MED13L: variants seen among roughly 807,000 people sequenced by gnomAD.
MED13L encodes the protein mediator of RNA polymerase II transcription subunit 13-like.
MED13L carries 7 observed loss-of-function variants against 220.9 expected under a neutral mutation model. The observed-to-expected ratio is 0.03, with a 90% confidence interval of 0.02 to 0.06. MED13L has a LOEUF of 0.06. Among genes scored for constraint, MED13L ranks in the 10% least tolerant of loss-of-function variants. The pLI, the probability that MED13L is intolerant of heterozygous loss-of-function variation, is 1.00. For synonymous variants in MED13L, 1,011 were observed against 1,015.2 expected (o/e 1.00, Z 0.08); for missense variants, 1,965 against 2,760.5 (o/e 0.71, Z 6.46).
intron 2 of MED13L, among the ~76,000 whole-genome samples, chr12:116,169,978 C>T (rs1879554282): frequency 6.6e-6 from 1 of 152,214 alleles, no homozygotes; most frequent in African/African-American, 2.4e-5. Flanking sequence ...GATCACGCCA[C>T]TGCACTCCTG....
chr12:116,229,074 G>A (rs1269397241), intron 2 of MED13L, among the ~76,000 whole-genome samples: 2 of 152,042 alleles, frequency 1.3e-5, no homozygotes, highest in African/African-American at 4.8e-5. Flanking sequence ...ATCACACCAG[G>A]CCACAACAGC....
chr12:116,165,432 G>A (rs1879187757), intron 2 of MED13L, among the ~76,000 whole-genome samples: 1 of 151,736 alleles, frequency 6.6e-6, no homozygotes, highest in African/African-American at 2.4e-5. Flanking sequence ...CCGAGTTCAC[G>A]CCATTCTCCT....
intron 2 of MED13L, among the ~76,000 whole-genome samples, chr12:116,149,796 T>C (rs1005808045): frequency 6.6e-6 from 1 of 152,102 alleles, no homozygotes; most frequent in African/African-American, 2.4e-5. Flanking sequence ...TAGAGATGAG[T>C]AAGTGGACAT....
chr12:116,276,484 G>A (rs1873844802), intron 1 of MED13L: 1 of 1,288,262 alleles, frequency 7.8e-7, no homozygotes. Flanking sequence ...TAAGCCCCGA[G>A]AGGCAGGCGG....
intron 2 of MED13L, among the ~76,000 whole-genome samples, chr12:116,129,102 T>G (rs554198354): frequency 6.6e-6 from 1 of 152,214 alleles, no homozygotes; most frequent in African/African-American, 2.4e-5. Flanking sequence ...TTGTGATTGT[T>G]TCTCACCAAT....
chr12:116,059,511 G>A (rs939968031), intron 4 of MED13L, among the ~76,000 whole-genome samples: 8 of 150,594 alleles, frequency 5.3e-5, no homozygotes, highest in Non-Finnish European at 8.8e-5. Flanking sequence ...TCCGCCTCCC[G>A]GGTTCAAGCA....
chr12:116,092,958 C>A (rs1872357725), intron 4 of MED13L, among the ~76,000 whole-genome samples: 1 of 152,082 alleles, frequency 6.6e-6, no homozygotes, highest in Admixed American at 6.5e-5. Flanking sequence ...TTCTGTATAC[C>A]TGATACCAGA....
At chr12:116,130,672 C>A (rs779700108) in intron 2 of MED13L, among the ~76,000 whole-genome samples, 1 of 151,772 alleles carries the variant, frequency 6.6e-6, no homozygotes, top group South Asian at 2.1e-4. Context: ...TATCTGCCAA[C>A]TTCCTGTGAT....
At chr12:116,112,923 T>G (rs1874205297) in intron 2 of MED13L, among the ~76,000 whole-genome samples, 1 of 152,192 alleles carries the variant, frequency 6.6e-6, no homozygotes. Context: ...CCATCAAGTT[T>G]GAGATACACC....
chr12:116,193,690 C>T (rs1415161952), intron 2 of MED13L, among the ~76,000 whole-genome samples: 2 of 150,682 alleles, frequency 1.3e-5, no homozygotes, highest in Non-Finnish European at 3.0e-5. Flanking sequence ...TTTCTAATTA[C>T]TAATAATCAG....
rs11295233 is a variant in MED13L, at chr12:116,205,942, G to GTT, written c.310+31524_310+31525dup. Among the ~76,000 whole-genome samples the GTT allele has an allele frequency of 2.2e-3, 273 of 125,266 alleles. 2 individuals carry two copies. Among genetic ancestry groups the GTT allele is most frequent in the South Asian group, 5.1e-3 (21 of 4,086 alleles). 82.2% of individuals were successfully genotyped at this position (125,266 alleles called of 152,430 possible). On this transcript the variant is annotated intron_variant, in intron 2 of 30. Coordinates refer to ENST00000281928, the MANE Select transcript of MED13L (RefSeq NM_015335.5). ...CAATGCACTGCATAACTAAAAACTT[G>GTT]TTTTTTTTTTTTTTTTGCTTCCTTT...
In MED13L at chr12:116,240,548, T is replaced by C. The variant is rs184374415; in HGVS notation, c.73-2843A>G. Among the ~76,000 whole-genome samples the C allele has an allele frequency of 6.1e-3, 921 of 151,594 alleles. 8 individuals are homozygous for C. The highest frequency in any genetic ancestry group is 0.01 in the Non-Finnish European group (688 of 67,858). ...GAAGATTTATTTTATTTTTTTTTTT[T>C]TGGAGACGGAGTCTCGCCCTGTCAC... is the stretch of plus-strand genomic sequence containing the variant. On this transcript the variant is annotated intron_variant, in intron 1 of 30. Coordinates refer to ENST00000281928, the MANE Select transcript of MED13L (RefSeq NM_015335.5).
intron 2 of MED13L, among the ~76,000 whole-genome samples, chr12:116,139,820 T>C (rs917671621): frequency 6.6e-6 from 1 of 151,658 alleles, no homozygotes; most frequent in African/African-American, 2.4e-5. Flanking sequence ...AAATACAAAA[T>C]TTAGCCAGGC....
At chr12:116,075,629 T>G (rs556196389) in intron 4 of MED13L, among the ~76,000 whole-genome samples, 2 of 152,252 alleles carry the variant, frequency 1.3e-5, no homozygotes, top group Non-Finnish European at 2.9e-5. Context: ...GCTGTGCTAC[T>G]GAACATCTTC....
intron 2 of MED13L, among the ~76,000 whole-genome samples, chr12:116,115,865 A>C (rs1874470096): frequency 1.3e-5 from 2 of 152,314 alleles, no homozygotes; most frequent in Middle Eastern, 6.8e-3. Context: ...CTACGTGCTG[A>C]TTAACATATA....
chr12:116,208,152 T>C (rs1882470398), intron 2 of MED13L, among the ~76,000 whole-genome samples: 1 of 152,128 alleles, frequency 6.6e-6, no homozygotes, highest in Non-Finnish European at 1.5e-5. Context: ...CCCAGCACTT[T>C]GGGAGGCCGA....
intron 23 of MED13L, 57 bp downstream of exon 23, chr12:115,980,693 T>A (rs571781175): frequency 9.0e-6 from 14 of 1,556,460 alleles, no homozygotes; most frequent in Middle Eastern, 1.7e-4. Context: ...ATAAAATACC[T>A]CTTCTAGCTT....
intron 4 of MED13L, among the ~76,000 whole-genome samples, chr12:116,031,711 A>G (rs1014233040): frequency 1.1e-4 from 7 of 66,542 alleles, no homozygotes; most frequent in Middle Eastern, 7.1e-3. Flanking sequence ...AAAAGAAAAG[A>G]AAAGAAAAGA....
chr12:116,205,521 AC>A (rs1269303135), intron 2 of MED13L, among the ~76,000 whole-genome samples: 12 of 144,174 alleles, frequency 8.3e-5, no homozygotes, highest in African/African-American at 1.5e-4. Flanking sequence ...AAAAAAAAAA[AC>A]AAAGGAAGAG....
Sources: gnomAD v4.1 joint callset for allele counts (sites outside exome capture counted in the v4.1 genomes callset) on GRCh38, gnomAD v4.1.1 for gene constraint, MANE v1.5 for transcripts, NCBI Gene and HGNC (gene_info 2026-07-23, HGNC 2026-07-21) for gene names.